Variants in MAPK10 observed in about 807,000 individuals in gnomAD.
MAPK10 encodes the protein mitogen-activated protein kinase 10.
In MAPK10, 25 loss-of-function variants were observed where a neutral mutation model predicts 59.3. The ratio of observed to expected loss-of-function variants is 0.42; its 90% CI spans 0.31 to 0.59. The LOEUF (loss-of-function observed/expected upper bound fraction) is 0.59, where lower values mean the gene tolerates loss of function less well. Ranked by LOEUF, MAPK10 falls within the 20% of genes least tolerant of loss-of-function variation. MAPK10 has a pLI of 0.15. For missense variants in MAPK10, 351 were observed against 568.9 expected, an observed-to-expected ratio of 0.62 and a Z score of 3.90; for synonymous variants, 190 against 200.5, an observed-to-expected ratio of 0.95 and a Z score of 0.44.
At chr4:86,035,096 C>T (rs990107946) in intron 11 of MAPK10, among the ~76,000 whole-genome samples, 12 of 151,864 alleles carry the variant, frequency 7.9e-5, no homozygotes, top group African/African-American at 2.4e-4. Flanking sequence ...GGGGGCCAGG[C>T]GCTGTGGCTC....
intron 9 of MAPK10, among the ~76,000 whole-genome samples, chr4:86,072,387 C>G (rs1183423085): frequency 7.3e-5 from 11 of 150,464 alleles, no homozygotes; most frequent in Non-Finnish European, 1.3e-4. Context: ...CGTTTATTTC[C>G]TTCTCCTGTC....
At chr4:86,064,592 C>A in intron 10 of MAPK10, 1 of 574,938 alleles carries the variant, frequency 1.7e-6, no homozygotes, top group Non-Finnish European at 3.1e-6. Flanking sequence ...TTCTGAGGCT[C>A]TCCAAGGGTT....
At chr4:86,211,943 A>G (rs985779757) in intron 2 of MAPK10, among the ~76,000 whole-genome samples, 2 of 152,142 alleles carry the variant, frequency 1.3e-5, no homozygotes, top group Non-Finnish European at 2.9e-5. Context: ...AAAAACAGTT[A>G]TAGAATCTAT....
In MAPK10 at chr4:86,533,316, G is replaced by A. The variant is rs549645645; in HGVS notation, c.-263+60594C>T. On this transcript the variant is annotated intron_variant, in intron 1 of 4. Transcript: ENST00000502302. ...CAGCATGGGATGAAGAAAAAGTTCT[G>A]GAGATGGATAGCAGTGATAATTACA... is the stretch of plus-strand genomic sequence containing the variant. Among the ~76,000 whole-genome samples, 11 of 152,214 alleles carry A rather than the reference G, an allele frequency of 7.2e-5. 1 individual carries two copies. Among genetic ancestry groups the A allele is most frequent in the Admixed American group, 7.2e-4 (11 of 15,282 alleles).
intron 11 of MAPK10, among the ~76,000 whole-genome samples, chr4:86,056,932 T>G (rs1178244801): frequency 8.8e-6 from 1 of 113,956 alleles, no homozygotes. Context: ...TGGTCAGGAC[T>G]TTTTTGTTTA....
rs565541507 is a variant in MAPK10 at position 86,575,995 on chromosome 4, A to ATGTG, written c.-263+17914_-263+17915insCACA. On this transcript the variant is annotated intron_variant, in intron 1 of 4. Transcript: ENST00000502302. The stretch of plus-strand genomic sequence containing the variant: ...TAACATAACATAATATTGTGTGTGT[A>ATGTG]TGCGTGTGTGTGTGTGTGTGTGTGT... Among the ~76,000 whole-genome samples, 208 of 128,696 alleles carry ATGTG rather than the reference A, an allele frequency of 1.6e-3. 1 individual carries two copies. Among genetic ancestry groups the ATGTG allele is most frequent in the African/African-American group, 5.3e-3 (186 of 35,028 alleles). 84.4% of individuals were successfully genotyped at this position (128,696 alleles called of 152,430 possible).
rs575944916 is a variant in MAPK10 at position 86,295,841 on chromosome 4, C to T, written c.-7+58689G>A. On this transcript the variant is annotated intron_variant, in intron 2 of 13. Transcript: ENST00000641462. ...CTAATATCCCAAGGGCTATTTTTTT[C>T]CCTACCCTGCTCAAAGCGGAAAACA... Among the ~76,000 whole-genome samples the T allele has an allele frequency of 2.8e-4, 39 of 139,658 alleles. No individual in the cohort carries two copies. In the East Asian group the frequency reaches 6.0e-3, roughly 21 times the overall value. 91.6% of individuals were successfully genotyped at this position (139,658 alleles called of 152,430 possible).
chr4:86,373,822 G>C (rs1475014186), intron 1 of MAPK10, among the ~76,000 whole-genome samples: 2 of 152,136 alleles, frequency 1.3e-5, no homozygotes, highest in Non-Finnish European at 2.9e-5. Flanking sequence ...GTAAATTACT[G>C]CAACCATTGT....
chr4:86,080,298 A>G (rs1290222093), intron 9 of MAPK10: 1 of 151,894 alleles, frequency 6.6e-6, no homozygotes, highest in East Asian at 1.9e-4. Context: ...GAGAAACAGC[A>G]GATAATCAAA....
At chr4:86,372,003 A>T (rs1166940739) in intron 1 of MAPK10, among the ~76,000 whole-genome samples, 1 of 152,182 alleles carries the variant, frequency 6.6e-6, no homozygotes, top group African/African-American at 2.4e-5. Flanking sequence ...AATATTCAGG[A>T]CTTGAACTCA....
Position 86,029,198 on chromosome 4 carries a change from T to C in MAPK10, c.1251A>G (p.Ser417=). Residue 417 remains serine, a splice_region_variant and synonymous_variant, in exon 13 of 14, where the codon TCA becomes TCG. Coordinates refer to ENST00000641462, the MANE Select transcript of MAPK10 (RefSeq NM_138982.4). The part of the protein sequence containing the change: ...NGVVKGQPSP[S]GAAVNSSESL... ...TGGTTATTCACGGAGAGTGAGTACC[T>C]GAAGGAGAAGGCTGTCCTTTTACTA... The C allele has an allele frequency of 6.2e-7, 1 of 1,604,230 alleles. No homozygotes were observed. The highest frequency in any genetic ancestry group is 8.5e-7 in the Non-Finnish European group (1 of 1,171,388).
chr4:86,416,883 C>T (rs1745925848), intron 1 of MAPK10, among the ~76,000 whole-genome samples: 1 of 152,096 alleles, frequency 6.6e-6, no homozygotes, highest in Non-Finnish European at 1.5e-5. Context: ...TCATTGCTTT[C>T]CCCCCACCAT....
In MAPK10 at chr4:86,513,948, A is replaced by G. The variant is rs35676302; in HGVS notation, c.-263+79962T>C. Among the ~76,000 whole-genome samples the G allele has an allele frequency of 4.0e-3, 604 of 152,252 alleles. 2 individuals carry two copies. Among genetic ancestry groups the G allele is most frequent in the Non-Finnish European group, 6.2e-3 (424 of 67,994 alleles). ...TAAAAATGTTCTGATACTGACTCCT[A>G]CTTGCCAACCACTTCCCTCAAACAT... On this transcript the variant is annotated intron_variant, in intron 1 of 4. Transcript: ENST00000502302.
intron 2 of MAPK10, among the ~76,000 whole-genome samples, chr4:86,285,649 G>C (rs746209376): frequency 6.6e-6 from 1 of 152,084 alleles, no homozygotes; most frequent in Non-Finnish European, 1.5e-5. Context: ...CATCTATATA[G>C]TTACCGTATT....
At chr4:86,392,052 G>A (rs1440452431) in intron 1 of MAPK10, among the ~76,000 whole-genome samples, 3 of 152,172 alleles carry the variant, frequency 2.0e-5, no homozygotes, top group African/African-American at 4.8e-5. Context: ...TGGAAGTGGA[G>A]TATCTCTTAC....
At chr4:86,429,156 CA>C (rs1300180199) in intron 1 of MAPK10, among the ~76,000 whole-genome samples, 1 of 152,062 alleles carries the variant, frequency 6.6e-6, no homozygotes, top group Non-Finnish European at 1.5e-5. Context: ...CTTGCTTCCT[CA>C]GCACAATTGA....
intron 2 of MAPK10, chr4:86,327,002 G>C (rs114453903): frequency 6.6e-6 from 1 of 152,052 alleles, no homozygotes; most frequent in South Asian, 2.1e-4. Flanking sequence ...AATCCATCTC[G>C]CTCTGTTGCC....
intron 1 of MAPK10, among the ~76,000 whole-genome samples, chr4:86,546,025 C>T (rs1230617922): frequency 1.3e-5 from 2 of 151,466 alleles, no homozygotes; most frequent in Admixed American, 6.6e-5. Flanking sequence ...CCGAGGCGGG[C>T]GGACTGCCTG....
chr4:86,581,333 A>G (rs999008405), intron 1 of MAPK10, among the ~76,000 whole-genome samples: 1 of 152,134 alleles, frequency 6.6e-6, no homozygotes, highest in Non-Finnish European at 1.5e-5. Context: ...ATTTCAACAC[A>G]TATAAAATAA....
Sources: gnomAD v4.1 joint callset for allele counts (sites outside exome capture counted in the v4.1 genomes callset) on GRCh38, gnomAD v4.1.1 for gene constraint, MANE v1.5 for transcripts, NCBI Gene and HGNC (gene_info 2026-07-23, HGNC 2026-07-21) for gene names.